The following TAS2R1 variants were observed in gnomAD, a reference collection of about 807,000 sequenced individuals.
TAS2R1 encodes the protein taste 2 receptor member 1.
For synonymous variants in TAS2R1, 141 were observed against 134.2 expected, an observed-to-expected ratio of 1.05 and a Z score of -0.35; for missense variants, 370 against 353.4, an observed-to-expected ratio of 1.05 and a Z score of -0.38.
the TAS2R1 span, among the ~76,000 whole-genome samples, chr5:9,834,374 A>G: frequency 6.6e-6 from 1 of 152,210 alleles, no homozygotes; most frequent in Admixed American, 6.5e-5. Flanking sequence ...AATAAACAGT[A>G]CCTGGCACAA....
At chr5:9,889,470 T>G in the TAS2R1 span, 1 of 152,206 alleles carries the variant, frequency 6.6e-6, no homozygotes, top group Non-Finnish European at 1.5e-5. Flanking sequence ...GCTGCTGTGA[T>G]CCACTGGGAA....
chr5:9,803,039 A>G, the TAS2R1 span, among the ~76,000 whole-genome samples: 1 of 152,264 alleles, frequency 6.6e-6, no homozygotes, highest in Non-Finnish European at 1.5e-5. Context: ...GTGAAATAGC[A>G]CAAATAAAAA....
intron 1 of TAS2R1, among the ~76,000 whole-genome samples, chr5:9,662,718 G>A (rs145245786): frequency 0.012 from 1,838 of 152,276 alleles, 19 homozygotes; most frequent in Middle Eastern, 0.031. Flanking sequence ...AACTCTATCC[G>A]TGTTCTGGAA....
Position 9,629,692 on chromosome 5 carries a change from A to T in TAS2R1, c.341T>A (p.Leu114His). Residue 114 changes from leucine (L) to histidine (H), a missense_variant, in exon 1 of 1, where the codon CTC (leucine) becomes CAC (histidine). Leu to His is a moderately conservative substitution (Grantham distance 99). Transcript: ENST00000382492. Reference sequence around the variant, plus strand: ...TATCCTCATCTTCAACCAGATGAAGAGTGGGTGACGGACGCTGGCAACCTT... The same window carrying T: ...TATCCTCATCTTCAACCAGATGAAGTGTGGGTGACGGACGCTGGCAACCTT... Reference protein sequence around the residue: ...CAKVASVRHPLFIWLKMRISK... With the variant: ...CAKVASVRHPHFIWLKMRISK... 6.2e-7 allele frequency: 1 copy of T among 1,614,190 alleles called. No homozygotes were observed. Among genetic ancestry groups the T allele is most frequent in the Non-Finnish European group, 8.5e-7 (1 of 1,180,038 alleles).
At chr5:9,885,245 T>C in the TAS2R1 span, among the ~76,000 whole-genome samples, 1 of 152,248 alleles carries the variant, frequency 6.6e-6, no homozygotes, top group Non-Finnish European at 1.5e-5. Flanking sequence ...AATTTTTATT[T>C]TTTAATAATT....
the TAS2R1 span, among the ~76,000 whole-genome samples, chr5:9,768,843 G>A: frequency 6.6e-6 from 1 of 152,076 alleles, no homozygotes; most frequent in African/African-American, 2.4e-5. Flanking sequence ...TTTGATATAG[G>A]CATACAATGC....
chr5:9,879,885 T>C, the TAS2R1 span, among the ~76,000 whole-genome samples: 19 of 152,220 alleles, frequency 1.2e-4, no homozygotes, highest in African/African-American at 4.3e-4. Flanking sequence ...AGAGGCTGGG[T>C]TGGCAGTGGG....
chr5:9,632,333 TC>T (rs2126475189), upstream of TAS2R1, among the ~76,000 whole-genome samples: 1 of 152,352 alleles, frequency 6.6e-6, no homozygotes, highest in South Asian at 2.1e-4. Flanking sequence ...TGAGTCATAA[TC>T]TTTTTGTTGG....
chr5:9,853,099 A>G, the TAS2R1 span, among the ~76,000 whole-genome samples: 1 of 152,350 alleles, frequency 6.6e-6, no homozygotes, highest in Admixed American at 6.5e-5. Flanking sequence ...GTAACCTTTG[A>G]TATCCCAGAA....
chr5:9,783,335 C>G, the TAS2R1 span, among the ~76,000 whole-genome samples: 1 of 152,220 alleles, frequency 6.6e-6, no homozygotes, highest in Non-Finnish European at 1.5e-5. Context: ...TGAGCTGGCC[C>G]TTGAAATGGG....
intron 1 of TAS2R1, among the ~76,000 whole-genome samples, chr5:9,664,047 A>G (rs1243928921): frequency 6.6e-6 from 1 of 152,142 alleles, no homozygotes; most frequent in Non-Finnish European, 1.5e-5. Context: ...CTGTGAGATA[A>G]TACATTTCTG....
Position 9,627,690 on chromosome 5 carries a change from C to T in TAS2R1, c.*1443G>A, listed in dbSNP as rs1469252967. 6.6e-6 allele frequency among the ~76,000 whole-genome samples: 1 copy of T among 152,218 alleles called. No homozygotes were observed. The highest frequency in any genetic ancestry group is 2.4e-5 in the African/African-American group (1 of 41,460). On this transcript the variant is annotated 3_prime_UTR_variant, in exon 1 of 1. Coordinates refer to ENST00000382492, the MANE Select transcript of TAS2R1 (RefSeq NM_019599.3). The stretch of plus-strand genomic sequence containing the variant: ...TTACACCCAGGATACAACTGATCTT[C>T]CCACAGCTGGCTTCCTGAGTGCGTG...
the TAS2R1 span, among the ~76,000 whole-genome samples, chr5:9,807,271 T>C: frequency 6.6e-6 from 1 of 152,138 alleles, no homozygotes. Context: ...GGCATGGATG[T>C]ATTGAAAAGG....
At position 9,694,459 on chromosome 5, in the gene TAS2R1, C is replaced by A. The variant is rs79497623; in HGVS notation, c.-242+17713G>T. 1.9e-4 allele frequency among the ~76,000 whole-genome samples: 29 copies of A among 152,192 alleles called. 1 individual carries two copies. Among genetic ancestry groups the A allele is most frequent in the African/African-American group, 6.3e-4 (26 of 41,528 alleles). Reference sequence around the variant, plus strand: ...AGAATAAGAAAATGGGATTTTGTTACCCTACTTACAAAACAAAGATTTTCT... The same window carrying A: ...AGAATAAGAAAATGGGATTTTGTTAACCTACTTACAAAACAAAGATTTTCT... On this transcript the variant is annotated intron_variant, in intron 1 of 2. Transcript: ENST00000506620.
At chr5:9,822,425 C>G in the TAS2R1 span, among the ~76,000 whole-genome samples, 1 of 148,520 alleles carries the variant, frequency 6.7e-6, no homozygotes, top group African/African-American at 2.5e-5. Context: ...TCTTGGCTCA[C>G]TGCTGCCTCC....
the TAS2R1 span, among the ~76,000 whole-genome samples, chr5:9,849,198 A>C: frequency 6.6e-6 from 1 of 152,116 alleles, no homozygotes; most frequent in Admixed American, 6.5e-5. Flanking sequence ...TCAGAATTAA[A>C]CCTGACCCCA....
intron 1 of TAS2R1, among the ~76,000 whole-genome samples, chr5:9,677,083 G>T (rs1291082412): frequency 1.3e-5 from 2 of 152,170 alleles, no homozygotes; most frequent in Non-Finnish European, 2.9e-5. Context: ...CCATAAAAAA[G>T]AATGAGATCA....
chr5:9,816,365 T>C, the TAS2R1 span, among the ~76,000 whole-genome samples: 1 of 152,136 alleles, frequency 6.6e-6, no homozygotes, highest in African/African-American at 2.4e-5. Flanking sequence ...GTTTATTGTC[T>C]TTCCAACAAG....
chr5:9,894,980 C>T, the TAS2R1 span, among the ~76,000 whole-genome samples: 1 of 152,244 alleles, frequency 6.6e-6, no homozygotes, highest in Non-Finnish European at 1.5e-5. Flanking sequence ...ACATACACAT[C>T]TAACATAACT....
Sources: allele counts gnomAD v4.1 joint callset (sites outside exome capture counted in the v4.1 genomes callset), GRCh38; gene constraint gnomAD v4.1.1; transcripts MANE v1.5; gene names NCBI Gene and HGNC (gene_info 2026-07-23, HGNC 2026-07-21).